The following PDCD4 variants were observed in gnomAD, a reference collection of about 807,000 sequenced individuals.
PDCD4 encodes the protein programmed cell death protein 4.
In PDCD4, 56 loss-of-function variants were observed where a neutral mutation model predicts 54.0. The ratio of observed to expected loss-of-function variants is 1.04; its 90% confidence interval spans 0.84 to 1.30. The LOEUF (loss-of-function observed/expected upper bound fraction) is 1.30. Ranked by LOEUF, PDCD4 falls within the 50% of genes most tolerant of loss-of-function variation. The probability of loss-of-function intolerance (pLI) is 0.00; values close to 1 mark genes in which losing one functional copy is unlikely to be tolerated. For synonymous variants in PDCD4, 186 were observed against 194.8 expected (o/e 0.95, Z 0.37); for missense variants, 584 against 559.8 (o/e 1.04, Z -0.44).
chr10:110,874,710 G>T (rs932496096), intron 1 of PDCD4, among the ~76,000 whole-genome samples: 8 of 151,942 alleles, frequency 5.3e-5, no homozygotes, highest in Admixed American at 3.9e-4. Flanking sequence ...TTTAACATAA[G>T]GTCCATTTGT....
intron 8 of PDCD4, 42 bp from the exon 9 acceptor site, chr10:110,894,049 A>G: frequency 8.3e-7 from 1 of 1,200,530 alleles, no homozygotes; most frequent in Middle Eastern, 2.0e-4. Context: ...GATATTTTAA[A>G]AGTTAGGAAT....
chr10:110,881,496 C>T lies in PDCD4; in HGVS notation c.307C>T (p.Arg103Ter), dbSNP rs768759653. 9 of 1,612,702 alleles carry T rather than the reference C, an allele frequency of 5.6e-6. No homozygotes were observed. The highest frequency in any genetic ancestry group is 1.6e-4 in the Middle Eastern group (1 of 6,078). ...TSPKGRLLDRRSRSGKGRGLP... is the reference protein window; with the variant it reads ...TSPKGRLLDR The stretch of plus-strand genomic sequence containing the variant: ...TCCAAAGGGAAGGTTGCTGGATAGG[C>T]GATCCAGATCTGGGAAAGGAAGGGG... Residue 103 changes from arginine (R) to a stop codon, truncating the protein, a stop_gained, in exon 3 of 12, where the codon CGA (arginine) becomes TGA (stop). Coordinates refer to ENST00000280154, the MANE Select transcript of PDCD4 (RefSeq NM_014456.5). LOFTEE classifies it high-confidence loss of function.
Position 110,890,830 on chromosome 10 carries a change from T to G in PDCD4, c.990+160T>G, listed in dbSNP as rs1845744017. The G allele has an allele frequency of 9.6e-6, 4 of 417,368 alleles. No individual in the cohort carries two copies. The Admixed American group carries it at 1.3e-4, about 13-fold the overall frequency. 25.9% of individuals were successfully genotyped at this position (417,368 alleles called of 1,614,324 possible). A position where few individuals can be genotyped will look rare whatever the true frequency, so the allele number is the denominator to read the frequency against. ...TTTTTTAATATGTGGCTTTATAACC[T>G]TTTATTATAAATTATATGATTAAAA... On this transcript the variant is annotated intron_variant, in intron 8 of 11. Coordinates refer to ENST00000280154, the MANE Select transcript of PDCD4 (RefSeq NM_014456.5).
intron 2 of PDCD4, among the ~76,000 whole-genome samples, chr10:110,878,931 G>A (rs137868383): frequency 7.2e-4 from 109 of 152,130 alleles, no homozygotes; most frequent in East Asian, 3.1e-3. Context: ...ACAGTACTAC[G>A]ACTACTTCCA....
chr10:110,877,851 A>T (rs1395728704), intron 2 of PDCD4, among the ~76,000 whole-genome samples: 1 of 152,200 alleles, frequency 6.6e-6, no homozygotes, highest in Non-Finnish European at 1.5e-5. Context: ...TTGGGATATA[A>T]ATACCCTCTG....
chr10:110,889,705 T>A, intron 7 of PDCD4, 75 bp downstream of exon 7: 1 of 816,550 alleles, frequency 1.2e-6, no homozygotes, highest in Non-Finnish European at 2.1e-6. Flanking sequence ...AAATGACACT[T>A]GTGTTAATCA....
chr10:110,872,530 C>T (rs1316788103), intron 1 of PDCD4, among the ~76,000 whole-genome samples: 1 of 152,210 alleles, frequency 6.6e-6, no homozygotes, highest in African/African-American at 2.4e-5. Context: ...CCGGCCTCGG[C>T]CCCGGCCCAG....
At position 110,895,928 on chromosome 10, in the gene PDCD4, A is replaced by G. The variant is rs780010764; in HGVS notation, c.1210-20A>G. On this transcript the variant is annotated intron_variant, in intron 10 of 11. Transcript: ENST00000280154. Reference sequence around the variant, plus strand: ...ATTTTATATGGGCTAACAATTCTGCATGTAATTTCATTGTTGTAGGGTTAT... The same window carrying G: ...ATTTTATATGGGCTAACAATTCTGCGTGTAATTTCATTGTTGTAGGGTTAT... 2 of 1,541,882 alleles carry G rather than the reference A, an allele frequency of 1.3e-6. No individual in the cohort carries two copies. The highest frequency in any genetic ancestry group is 1.2e-5 in the South Asian group (1 of 81,210).
At position 110,887,675 on chromosome 10, in the gene PDCD4, G is replaced by C; in HGVS notation, c.566G>C (p.Arg189Thr). The C allele has an allele frequency of 6.2e-7, 1 of 1,607,290 alleles. No individual in the cohort carries two copies. The highest frequency in any genetic ancestry group is 8.5e-7 in the Non-Finnish European group (1 of 1,174,332). The change falls in exon 6 of 12, where the codon AGA (arginine) becomes ACA (threonine). Residue 189 changes from arginine (R) to threonine (T), a missense_variant. Transcript: ENST00000280154. ...GDTNEVAEML[R>T]DLNLGEMKSG... Reference sequence around the variant, plus strand: ...TATTTTTTTGAACAGGAAATGTTAAGAGATTTAAATCTTGGTGAAATGAAA... The same window carrying C: ...TATTTTTTTGAACAGGAAATGTTAACAGATTTAAATCTTGGTGAAATGAAA...
chr10:110,894,253 T>C, intron 9 of PDCD4, 55 bp downstream of exon 9: 1 of 1,038,120 alleles, frequency 9.6e-7, no homozygotes, highest in East Asian at 2.4e-5. Context: ...TTTTGTACTG[T>C]AGCGACTTAT....
At chr10:110,892,691 T>C (rs941769461) in intron 8 of PDCD4, among the ~76,000 whole-genome samples, 1 of 152,164 alleles carries the variant, frequency 6.6e-6, no homozygotes, top group African/African-American at 2.4e-5. Context: ...TTGAGTGATA[T>C]GGAGGCAGTT....
intron 10 of PDCD4, 47 bp from the exon 11 acceptor site, chr10:110,895,901 T>C: frequency 1.4e-6 from 2 of 1,439,038 alleles, no homozygotes; most frequent in Non-Finnish European, 9.4e-7. Context: ...TTTATGACAT[T>C]TATTTTATAT....
At chr10:110,890,771 C>T (rs1420370159) in intron 8 of PDCD4, 101 bp downstream of exon 8, 15 of 564,394 alleles carry the variant, frequency 2.7e-5, no homozygotes, top group Admixed American at 2.1e-4. Flanking sequence ...AAATTAAGTT[C>T]GGTCTTACAG....
chr10:110,888,194 T>TAA (rs1440519483), intron 6 of PDCD4, among the ~76,000 whole-genome samples: 1 of 152,062 alleles, frequency 6.6e-6, no homozygotes, highest in Non-Finnish European at 1.5e-5. Flanking sequence ...TTTTATTAGC[T>TAA]AAGATTTTTA....
At position 110,890,609 on chromosome 10, in the gene PDCD4, G is replaced by C. The variant is rs550404806; in HGVS notation, c.929G>C (p.Arg310Pro). ...VLLSMSKGGKRKDSVWGSGGG... is the reference protein window; with the variant it reads ...VLLSMSKGGKPKDSVWGSGGG... ...CTGAGTATGTCTAAAGGTGGAAAGCGTAAAGATAGTGTGTGGGGCTCTGGA... is the reference window on the plus strand; with the variant it reads ...CTGAGTATGTCTAAAGGTGGAAAGCCTAAAGATAGTGTGTGGGGCTCTGGA... Residue 310 changes from arginine to proline, a missense_variant, in exon 8 of 12, where the codon CGT becomes CCT. Physicochemically the swap from Arg to Pro is moderately radical, Grantham distance 103. Coordinates refer to ENST00000280154, the MANE Select transcript of PDCD4 (RefSeq NM_014456.5). 1 of 1,613,592 alleles carries C rather than the reference G, an allele frequency of 6.2e-7. No individual in the cohort carries two copies. The highest frequency in any genetic ancestry group is 8.5e-7 in the Non-Finnish European group (1 of 1,179,664).
intron 1 of PDCD4, among the ~76,000 whole-genome samples, chr10:110,873,192 G>A (rs1845448845): frequency 6.6e-6 from 1 of 152,052 alleles, no homozygotes; most frequent in Non-Finnish European, 1.5e-5. Flanking sequence ...TAATTGACTG[G>A]CTTTTTCTGT....
intron 3 of PDCD4, among the ~76,000 whole-genome samples, chr10:110,882,473 G>A (rs1326271672): frequency 6.6e-6 from 1 of 152,166 alleles, no homozygotes; most frequent in African/African-American, 2.4e-5. Flanking sequence ...AAAGCAGTTA[G>A]AATTCTTTTC....
intron 10 of PDCD4, 99 bp downstream of exon 10, chr10:110,894,621 G>A (rs928131456): frequency 1.2e-5 from 7 of 576,840 alleles, no homozygotes; most frequent in African/African-American, 9.6e-5. Flanking sequence ...CTTTAGGTAT[G>A]TTTAGTGTTA....
chr10:110,889,427 C>A, intron 6 of PDCD4, 106 bp from the exon 7 acceptor site: 1 of 726,898 alleles, frequency 1.4e-6, no homozygotes, highest in East Asian at 2.5e-5. Flanking sequence ...CTTTTAGGTA[C>A]TGACTGTGTA....
Sources: allele counts gnomAD v4.1 joint callset (sites outside exome capture counted in the v4.1 genomes callset), GRCh38; gene constraint gnomAD v4.1.1; transcripts MANE v1.5; gene names NCBI Gene and HGNC (gene_info 2026-07-23, HGNC 2026-07-21).